Variants in JARID2 observed in about 807,000 individuals in gnomAD.
JARID2 encodes the protein protein Jumonji.
In JARID2, 21 loss-of-function variants were observed where a neutral mutation model predicts 125.6. The ratio of observed to expected loss-of-function variants is 0.17; its 90% CI spans 0.12 to 0.24. The LOEUF is 0.24. JARID2 is among the 10% of genes least tolerant of loss of function. The pLI is 1.00. For synonymous variants in JARID2, 736 were observed against 661.6 expected (o/e 1.11, Z -1.73); for missense variants, 1,303 against 1,639.6 (o/e 0.79, Z 3.55).
In JARID2 at chr6:15,255,293, C is replaced by T. The variant is rs185295708; in HGVS notation, c.45+8709C>T. On this transcript the variant is annotated intron_variant, in intron 1 of 17. Coordinates refer to ENST00000341776, the MANE Select transcript of JARID2 (RefSeq NM_004973.4). ...CTAATTTTTGTATTTTTAGTAGAGA[C>T]GGGGTTTCACCCTGTTGGCCAGGAT... Among the ~76,000 whole-genome samples, 365 of 151,982 alleles carry T rather than the reference C, an allele frequency of 2.4e-3. 2 individuals carry two copies. Among genetic ancestry groups the T allele is most frequent in the African/African-American group, 8.1e-3 (337 of 41,452 alleles).
intron 1 of JARID2, among the ~76,000 whole-genome samples, chr6:15,315,681 C>T (rs998278787): frequency 9.9e-5 from 15 of 152,224 alleles, no homozygotes; most frequent in Admixed American, 2.6e-4. Context: ...TGTGGTTGTC[C>T]GGAAGTTACC....
chr6:15,520,181 C>A lies in JARID2; in HGVS notation c.3671C>A (p.Ala1224Glu). The change falls in exon 18 of 18, where the codon GCG becomes GAG. Residue 1224 changes from alanine to glutamate, a missense_variant. By Grantham distance (107) the Ala-to-Glu change is moderately radical (BLOSUM62 -1). This residue lies in a region of JARID2 where 75 missense variants were observed against 66.0 expected (regional missense o/e 1.14). Coordinates refer to ENST00000341776, the MANE Select transcript of JARID2 (RefSeq NM_004973.4). ...PTPKRGPRKR[A>E]TVDVPPSRLS... is the part of the protein sequence containing the mutation. ...CCAAAAAGAGGTCCCCGCAAGAGAG[C>A]GACAGTGGACGTGCCCCCCTCCCGT... 1.9e-6 allele frequency: 3 copies of A among 1,613,788 alleles called. No individual in the cohort carries two copies. The highest frequency in any genetic ancestry group is 2.2e-5 in the East Asian group (1 of 44,834).
intron 1 of JARID2, among the ~76,000 whole-genome samples, chr6:15,286,974 C>T (rs920240803): frequency 1.4e-5 from 2 of 144,134 alleles, no homozygotes; most frequent in African/African-American, 5.1e-5. Flanking sequence ...AATTAGCTGG[C>T]TGTGGTGGCA....
intron 1 of JARID2, among the ~76,000 whole-genome samples, chr6:15,318,490 T>C (rs1360632141): frequency 2.0e-5 from 3 of 152,188 alleles, no homozygotes; most frequent in Non-Finnish European, 2.9e-5. Context: ...TATGCTTTGG[T>C]GGTGGTGGTG....
rs1050201418 is a variant in JARID2 at position 15,512,410 on chromosome 6, T to C, written c.3135+20T>C. ...GCCAAGGTGAGCAGAGCCGGCCTCC[T>C]CCCGCTTGCTGCCCCCGCATCCCTG... is the stretch of plus-strand genomic sequence containing the variant. On this transcript the variant is annotated intron_variant, in intron 14 of 17. Coordinates refer to ENST00000341776, the MANE Select transcript of JARID2 (RefSeq NM_004973.4). The C allele has an allele frequency of 3.1e-6, 5 of 1,609,522 alleles. No homozygotes were observed. Among genetic ancestry groups the C allele is most frequent in the Non-Finnish European group, 4.3e-6 (5 of 1,176,166 alleles).
chr6:15,355,017 A>G (rs1018233891), intron 1 of JARID2, among the ~76,000 whole-genome samples: 1 of 152,232 alleles, frequency 6.6e-6, no homozygotes. Context: ...TTGAAAGTCC[A>G]GAAGAATGTT....
intron 1 of JARID2, among the ~76,000 whole-genome samples, chr6:15,279,299 T>G (rs1305572705): frequency 6.6e-6 from 1 of 152,214 alleles, no homozygotes; most frequent in Admixed American, 6.5e-5. Context: ...AATACTGTTT[T>G]CTGAAATGGT....
At chr6:15,400,154 A>G (rs1765369550) in intron 2 of JARID2, among the ~76,000 whole-genome samples, 1 of 152,140 alleles carries the variant, frequency 6.6e-6, no homozygotes, top group African/African-American at 2.4e-5. Flanking sequence ...TGATTAGATT[A>G]GATCAATTTA....
At chr6:15,286,973 G>C (rs1035699611) in intron 1 of JARID2, among the ~76,000 whole-genome samples, 4 of 151,950 alleles carry the variant, frequency 2.6e-5, no homozygotes, top group Non-Finnish European at 5.9e-5. Context: ...AAATTAGCTG[G>C]CTGTGGTGGC....
intron 1 of JARID2, among the ~76,000 whole-genome samples, chr6:15,250,233 C>A (rs1759390208): frequency 6.6e-6 from 1 of 152,072 alleles, no homozygotes; most frequent in African/African-American, 2.4e-5. Flanking sequence ...TTGTTATAAG[C>A]TTCAAAAGGA....
chr6:15,381,133 C>T (rs967490937), intron 2 of JARID2, among the ~76,000 whole-genome samples: 1 of 151,354 alleles, frequency 6.6e-6, no homozygotes, highest in Non-Finnish European at 1.5e-5. Flanking sequence ...GCGGGTGGAT[C>T]ACGAGGTCAG....
In JARID2 at chr6:15,366,385, G is replaced by A. The variant is rs184144986; in HGVS notation, c.46-7732G>A. On this transcript the variant is annotated intron_variant, in intron 1 of 17. Transcript: ENST00000341776. ...TCAGATCCACCATCCTTAATCCCAT[G>A]ATATGACATTGCATGTTGGTCCTTT... 1.0e-3 allele frequency among the ~76,000 whole-genome samples: 156 copies of A among 151,522 alleles called. 2 individuals carry two copies. Among genetic ancestry groups the A allele is most frequent in the Middle Eastern group, 3.4e-3 (1 of 294 alleles).
At chr6:15,437,501 A>G (rs141758849) in intron 3 of JARID2, among the ~76,000 whole-genome samples, 4 of 152,278 alleles carry the variant, frequency 2.6e-5, no homozygotes, top group Non-Finnish European at 5.9e-5. Context: ...AGTTTGTGTA[A>G]CATTCTCTGC....
intron 7 of JARID2, among the ~76,000 whole-genome samples, chr6:15,497,599 C>T (rs896318430): frequency 5.5e-5 from 8 of 146,774 alleles, no homozygotes; most frequent in Non-Finnish European, 1.0e-4. Flanking sequence ...TGCAGTGAGC[C>T]GAGATCACAC....
chr6:15,360,272 G>A (rs943676330), intron 1 of JARID2, among the ~76,000 whole-genome samples: 4 of 152,018 alleles, frequency 2.6e-5, no homozygotes, highest in Admixed American at 2.0e-4. Context: ...AATGCCTCCT[G>A]GGTCCTGGTT....
chr6:15,463,687 C>T (rs565223273), intron 4 of JARID2, among the ~76,000 whole-genome samples: 12 of 152,242 alleles, frequency 7.9e-5, no homozygotes, highest in Admixed American at 1.3e-4. Context: ...CTGCCTTGAC[C>T]TCCCAAAGTG....
chr6:15,412,959 C>CGAGTTTT (rs1561845161), intron 3 of JARID2, among the ~76,000 whole-genome samples: 1 of 134,644 alleles, frequency 7.4e-6, no homozygotes, highest in African/African-American at 2.8e-5. Flanking sequence ...TTTTTACTTG[C>CGAGTTTT]GAGTTTTAAA....
intron 1 of JARID2, among the ~76,000 whole-genome samples, chr6:15,254,754 A>G (rs1477117027): frequency 6.6e-6 from 1 of 152,182 alleles, no homozygotes; most frequent in Non-Finnish European, 1.5e-5. Context: ...ATACATAGCC[A>G]CAGGGCCGGG....
intron 7 of JARID2, among the ~76,000 whole-genome samples, chr6:15,498,389 T>C (rs909777903): frequency 6.6e-6 from 1 of 152,192 alleles, no homozygotes; most frequent in Non-Finnish European, 1.5e-5. Context: ...CAGATCCTCC[T>C]CTTGGGTTCC....
Sources: allele counts gnomAD v4.1 joint callset (sites outside exome capture counted in the v4.1 genomes callset), GRCh38; gene constraint gnomAD v4.1.1; regional missense constraint gnomAD v4.1.1; transcripts MANE v1.5; gene names NCBI Gene and HGNC (gene_info 2026-07-23, HGNC 2026-07-21).